Variants in MYO15B observed in about 807,000 individuals in gnomAD.
The protein encoded by MYO15B is myosin XVB pseudogene.
MYO15B carries 207 observed loss-of-function variants against 119.3 expected under a neutral mutation model. The observed-to-expected ratio is 1.73, with a 90% CI of 1.55 to 1.95. The LOEUF is 1.95. Ranked by LOEUF, MYO15B falls within the 30% of genes most tolerant of loss-of-function variation. The pLI is 0.00. For synonymous variants in MYO15B, 966 were observed against 498.9 expected, an observed-to-expected ratio of 1.94 and a Z score of -12.48; for missense variants, 2,264 against 1,203.1, an observed-to-expected ratio of 1.88 and a Z score of -13.04.
Position 75,613,435 on chromosome 17 carries a change from C to T in MYO15B, c.5110C>T (p.Arg1704Trp), listed in dbSNP as rs113730899. ...GCTGGAGTGGCTGGCCGGATGGCGG[C>T]GGGGCCGCATGGCGCTGGATGTGTT... Residue 1704 changes from arginine to tryptophan, a missense_variant, in exon 28 of 64, where the codon CGG becomes TGG. Physicochemically the swap from Arg to Trp is moderately radical, Grantham distance 101 (BLOSUM62 -3). Coordinates refer to ENST00000645453, the Ensembl canonical transcript of MYO15B. 16,271 of 680,690 alleles carry T rather than the reference C, an allele frequency of 0.024. 253 individuals are homozygous for T. The highest frequency in any genetic ancestry group is 0.051 in the Middle Eastern group (142 of 2,770). The allele number at this position is 680,690 out of a possible 1,614,324, so 42.2% of individuals were successfully genotyped here. A position where few individuals can be genotyped will look rare whatever the true frequency, so the allele number is the denominator to read the frequency against.
At chr17:75,588,619 G>C (rs866796042) in exon 1 of MYO15B, 1 of 399,928 alleles carries the variant, frequency 2.5e-6, no homozygotes, top group Non-Finnish European at 4.4e-6. Flanking sequence ...GGAGCCTACG[G>C]ACATGGGCTC....
chr17:75,624,256 T>C (rs1568234068), exon 56 of MYO15B: 12 of 702,852 alleles, frequency 1.7e-5, no homozygotes, highest in Non-Finnish European at 2.9e-5. Flanking sequence ...CCGGGTGAAA[T>C]GAAGGCTTTC....
intron 49 of MYO15B, 127 bp downstream of exon 49, chr17:75,620,763 C>T: frequency 2.9e-6 from 2 of 699,420 alleles, no homozygotes; most frequent in African/African-American, 1.7e-5. Flanking sequence ...CTGTGGCTGC[C>T]CCTCTGCCCG....
intron 30 of MYO15B, 82 bp downstream of exon 30, chr17:75,614,442 T>C: frequency 4.4e-6 from 3 of 675,056 alleles, no homozygotes; most frequent in South Asian, 3.2e-5. Flanking sequence ...CAGGGGTTTA[T>C]AGGAGCTGCC....
chr17:75,589,269 G>C lies in MYO15B; in HGVS notation c.1212G>C (p.Glu404Asp), dbSNP rs1241132286. 5.0e-6 allele frequency: 2 copies of C among 398,154 alleles called. No homozygotes were observed. The highest frequency in any genetic ancestry group is 8.9e-6 in the Non-Finnish European group (2 of 225,868). The allele number at this position is 398,154 out of a possible 1,614,324, so 24.7% of individuals were successfully genotyped here. The stretch of plus-strand genomic sequence containing the variant: ...AGGGTACCGGGCCACGGGCGAGCGA[G>C]GGGTGGGGCCGCCGGAAACCGGACG... The change falls in exon 1 of 64, where the codon GAG (glutamate) becomes GAC (aspartate). Residue 404 changes from glutamate (E) to aspartate (D), a missense_variant. Transcript: ENST00000645453. The surrounding 1 kb of genome is among the most constrained non-coding windows in gnomAD (Gnocchi z 4.2).
intron 41 of MYO15B, 47 bp from the exon 42 acceptor site, chr17:75,617,763 G>C: frequency 1.5e-6 from 1 of 678,416 alleles, no homozygotes; most frequent in South Asian, 1.5e-5. Context: ...CATCACTCTG[G>C]CTCTGCAGCC....
chr17:75,624,472 G>T (rs2058903401), intron 57 of MYO15B, 25 bp downstream of exon 57: 1 of 702,996 alleles, frequency 1.4e-6, no homozygotes, highest in Non-Finnish European at 2.6e-6. Flanking sequence ...CACCAAGGGA[G>T]GAGGCCTTGG....
exon 7 of MYO15B, chr17:75,592,293 G>A: frequency 2.8e-6 from 2 of 702,906 alleles, no homozygotes; most frequent in Non-Finnish European, 2.6e-6. Context: ...CTCCAGGGTG[G>A]TGTTTCAGGT....
chr17:75,607,159 ACTAT>A (rs2057708588), intron 21 of MYO15B: 3 of 390,328 alleles, frequency 7.7e-6, no homozygotes. Flanking sequence ...AGGCATCTCC[ACTAT>A]CTATTTCCAA....
chr17:75,612,429 T>G (rs1302960239), intron 25 of MYO15B, among the ~76,000 whole-genome samples: 2 of 152,154 alleles, frequency 1.3e-5, no homozygotes, highest in African/African-American at 4.8e-5. Flanking sequence ...CCCAGCACTT[T>G]TGGGAGGCCG....
In MYO15B at chr17:75,591,078, C is replaced by T. The variant is rs759359469; in HGVS notation, c.2360+62C>T. On this transcript the variant is annotated intron_variant, in intron 3 of 63. Coordinates refer to ENST00000645453, the Ensembl canonical transcript of MYO15B. ...CCCAGGCAGCCCAGTCCCTGCATGTCCCCTTGACTGAGGTCCCGGGGCCTG... is the reference window on the plus strand; with the variant it reads ...CCCAGGCAGCCCAGTCCCTGCATGTTCCCTTGACTGAGGTCCCGGGGCCTG... The T allele has an allele frequency of 2.9e-5, 20 of 689,588 alleles. No homozygotes were observed. The East Asian group carries it at 3.8e-4, about 13-fold the overall frequency. 42.7% of individuals were successfully genotyped at this position (689,588 alleles called of 1,614,324 possible).
intron 1 of MYO15B, 159 bp downstream of exon 1, chr17:75,590,402 G>A (rs762969783): frequency 2.3e-5 from 9 of 397,932 alleles, no homozygotes; most frequent in Admixed American, 4.4e-5. Flanking sequence ...GGCAACAGGT[G>A]CTACGTCCCC....
At chr17:75,593,026 G>A in intron 9 of MYO15B, 186 bp downstream of exon 9, 1 of 550,740 alleles carries the variant, frequency 1.8e-6, no homozygotes, top group Middle Eastern at 4.3e-4. Flanking sequence ...CCCAATGTCT[G>A]TGCCTCTAAG....
At chr17:75,617,904 G>T (rs1159847130) in exon 42 of MYO15B, 1 of 702,908 alleles carries the variant, frequency 1.4e-6, no homozygotes, top group Admixed American at 2.0e-5. Context: ...CGCCCTGGAA[G>T]TTGTTCCTAC....
rs2058965796 is a variant in MYO15B, at chr17:75,625,242, A to T, written c.8804+4A>T. The T allele has an allele frequency of 1.4e-6, 1 of 696,678 alleles. No individual in the cohort carries two copies. Among genetic ancestry groups the T allele is most frequent in the Non-Finnish European group, 2.6e-6 (1 of 381,172 alleles). 43.2% of individuals were successfully genotyped at this position (696,678 alleles called of 1,614,324 possible). On this transcript the variant is annotated splice_donor_region_variant and intron_variant, in intron 60 of 63. Coordinates refer to ENST00000645453, the Ensembl canonical transcript of MYO15B. ...CCAACAGGAATACCCCCTCAGGGTG[A>T]GTGGAGGCACCTCCCGCCCCTAAGC... is the stretch of plus-strand genomic sequence containing the variant.
chr17:75,609,956 G>T (rs2057915588), intron 21 of MYO15B, among the ~76,000 whole-genome samples: 1 of 152,132 alleles, frequency 6.6e-6, no homozygotes, highest in African/African-American at 2.4e-5. Context: ...CTCCCAAAGT[G>T]CTGGGATTAC....
intron 53 of MYO15B, among the ~76,000 whole-genome samples, 173 bp from the exon 54 acceptor site, chr17:75,623,608 G>A (rs377690915): frequency 6.6e-6 from 1 of 152,216 alleles, no homozygotes; most frequent in East Asian, 1.9e-4. Flanking sequence ...TGTGACAGAG[G>A]GAGACGGGAG....
In MYO15B at chr17:75,592,192, G is replaced by A. The variant is rs756240664; in HGVS notation, c.2652-46G>A. ...GGGCTTCTTCTGCACGGGGCCCCTG[G>A]GTGTTCTGCATCCTGGGCACTCACA... On this transcript the variant is annotated intron_variant, in intron 6 of 63. Coordinates refer to ENST00000645453, the Ensembl canonical transcript of MYO15B. 5.7e-6 allele frequency: 4 copies of A among 702,026 alleles called. No homozygotes were observed. The South Asian group carries it at 5.9e-5, about 10-fold the overall frequency. 43.5% of individuals were successfully genotyped at this position (702,026 alleles called of 1,614,324 possible). A position where few individuals can be genotyped will look rare whatever the true frequency, so the allele number is the denominator to read the frequency against.
rs902612477 is a variant in MYO15B, at chr17:75,589,204, C to T, written c.1147C>T (p.Arg383Trp). The T allele has an allele frequency of 9.1e-6, 3 of 330,060 alleles. No homozygotes were observed. Among genetic ancestry groups the T allele is most frequent in the Admixed American group, 1.1e-4 (2 of 18,838 alleles). 20.4% of individuals were successfully genotyped at this position (330,060 alleles called of 1,614,324 possible). ...GGGCCTCCTGCGCTGGCTGCGGCGGCGGCTGCGGCTGCGGCGGCGGCCGCC... is the reference window on the plus strand; with the variant it reads ...GGGCCTCCTGCGCTGGCTGCGGCGGTGGCTGCGGCTGCGGCGGCGGCCGCC... The change falls in exon 1 of 64, where the codon CGG (arginine) becomes TGG (tryptophan). Residue 383 changes from arginine to tryptophan, a missense_variant. By Grantham distance (101) the Arg-to-Trp change is moderately radical (BLOSUM62 -3). Coordinates refer to ENST00000645453, the Ensembl canonical transcript of MYO15B. The surrounding 1 kb of genome is among the most constrained non-coding windows in gnomAD (Gnocchi z 4.2).
Sources: gnomAD v4.1 joint callset for allele counts (sites outside exome capture counted in the v4.1 genomes callset) on GRCh38, gnomAD v4.1.1 for gene constraint, Gnocchi (gnomAD v3.1) non-coding constraint, MANE v1.5 for transcripts, NCBI Gene and HGNC (gene_info 2026-07-23, HGNC 2026-07-21) for gene names.